COL4A6: variants seen among roughly 807,000 people sequenced by gnomAD.
COL4A6 encodes the protein collagen alpha-6(IV) chain.
In COL4A6, 59 loss-of-function variants were observed where a neutral mutation model predicts 126.7. The observed-to-expected ratio is 0.47, with a 90% CI of 0.38 to 0.58. The LOEUF is 0.58. Ranked by LOEUF, COL4A6 falls within the 20% of genes least tolerant of loss-of-function variation. COL4A6 has a pLI of 0.00. For missense variants in COL4A6, 1,285 were observed against 1,337.3 expected (o/e 0.96, Z 0.61); for synonymous variants, 547 against 496.6 (o/e 1.10, Z -1.35).
intron 2 of COL4A6, among the ~76,000 whole-genome samples, chrX:108,410,340 G>C (rs781320684): frequency 9.0e-6 from 1 of 111,491 alleles, no homozygotes; most frequent in African/African-American, 3.3e-5. Context: ...GGGTGCATAG[G>C]TAAGGGCATG....
At chrX:108,301,394 A>C (rs1319174723) in intron 3 of COL4A6, among the ~76,000 whole-genome samples, 1 of 112,201 alleles carries the variant, frequency 8.9e-6, no homozygotes, top group Non-Finnish European at 1.9e-5. Context: ...CAGGGATATA[A>C]ATGGATGCTA....
intron 2 of COL4A6, among the ~76,000 whole-genome samples, chrX:108,371,574 TAAAA>T (rs35855359): frequency 1.9e-5 from 1 of 51,710 alleles, no homozygotes; most frequent in Admixed American, 2.5e-4. Flanking sequence ...TCTGTCTCTA[TAAAA>T]AAAAAAAAAA....
At position 108,324,094 on chromosome X, in the gene COL4A6, G is replaced by T. The variant is rs185305973; in HGVS notation, c.64-13266C>A. 4.7e-4 allele frequency among the ~76,000 whole-genome samples: 53 copies of T among 112,451 alleles called. No individual in the cohort carries two copies. The East Asian group carries it at 0.014, about 29-fold the overall frequency. On this transcript the variant is annotated intron_variant, in intron 2 of 44. Coordinates refer to ENST00000334504, the MANE Select transcript of COL4A6 (RefSeq NM_033641.4). ...AAAACAAAATCCTTTAACGTTTCTA[G>T]TTGGGAGATTAAGAATTTTGTTTTT...
rs2038501751 is a variant in COL4A6, at chrX:108,301,999, CTCTG to C, written c.144+8745_144+8748del. ...TTTCTCTTATCCAGAGTTCTTTTGC[CTCTG>C]TCTGCGGGCTCCCAGCTATTTTAAG... On this transcript the variant is annotated intron_variant, in intron 3 of 44. Coordinates refer to ENST00000334504, the MANE Select transcript of COL4A6 (RefSeq NM_033641.4). Among the ~76,000 whole-genome samples, 4 of 111,488 alleles carry C rather than the reference CTCTG, an allele frequency of 3.6e-5. No individual in the cohort carries two copies. In the South Asian group the frequency reaches 1.5e-3, roughly 42 times the overall value.
chrX:108,344,136 A>C (rs1428794649), intron 2 of COL4A6, among the ~76,000 whole-genome samples: 1 of 111,543 alleles, frequency 9.0e-6, no homozygotes, highest in East Asian at 2.8e-4. Flanking sequence ...TCAGATCTGC[A>C]TTGAAAGTTC....
chrX:108,209,920 A>G, intron 8 of COL4A6, 49 bp downstream of exon 8: 2 of 1,173,391 alleles, frequency 1.7e-6, no homozygotes, highest in Non-Finnish European at 2.3e-6. Flanking sequence ...ATGCACCATT[A>G]GTGATTTTTA....
intron 3 of COL4A6, among the ~76,000 whole-genome samples, chrX:108,246,323 A>G (rs2148333594): frequency 8.9e-6 from 1 of 112,224 alleles, no homozygotes; most frequent in South Asian, 3.7e-4. Context: ...AAGCAACAGA[A>G]GTCAACTCTG....
chrX:108,282,349 C>T (rs1401686754), intron 3 of COL4A6, among the ~76,000 whole-genome samples: 1 of 107,973 alleles, frequency 9.3e-6, no homozygotes, highest in Non-Finnish European at 1.9e-5. Context: ...CATGAACAGA[C>T]ACTTCTCAAA....
At chrX:108,360,106 C>T (rs997605015) in intron 2 of COL4A6, among the ~76,000 whole-genome samples, 6 of 111,899 alleles carry the variant, frequency 5.4e-5, no homozygotes, top group South Asian at 3.8e-4. Flanking sequence ...CTAAATAATC[C>T]GAAACTCCAG....
rs367798398 is a variant in COL4A6, at chrX:108,170,563, T to A, written c.3493+46A>T. On this transcript the variant is annotated intron_variant, in intron 35 of 44. Coordinates refer to ENST00000334504, the MANE Select transcript of COL4A6 (RefSeq NM_033641.4). ...AAGATAAAGTAGTTGGTGTCCTTCA[T>A]CGAGGGAAAGACTTTTCCCCACTGC... The A allele has an allele frequency of 6.7e-6, 7 of 1,045,315 alleles. No homozygotes were observed. In the African/African-American group the frequency reaches 1.3e-4, roughly 19 times the overall value. The allele number at this position is 1,045,315 out of a possible 1,213,427, so 86.1% of individuals were successfully genotyped here.
chrX:108,350,994 A>G (rs1417954165), intron 2 of COL4A6, among the ~76,000 whole-genome samples: 1 of 111,353 alleles, frequency 9.0e-6, no homozygotes, highest in East Asian at 2.8e-4. Flanking sequence ...GGGCAAGGAC[A>G]GTCAATCCCT....
At chrX:108,403,423 AAT>A (rs1254656823) in intron 2 of COL4A6, among the ~76,000 whole-genome samples, 1 of 110,549 alleles carries the variant, frequency 9.0e-6, no homozygotes, top group African/African-American at 3.3e-5. Context: ...GCTCTAATTC[AAT>A]ATGAGTTAAG....
At chrX:108,271,433 A>T (rs1427252219) in intron 3 of COL4A6, among the ~76,000 whole-genome samples, 1 of 112,394 alleles carries the variant, frequency 8.9e-6, no homozygotes, top group Non-Finnish European at 1.9e-5. Context: ...ATCAGAAAGG[A>T]TATTTAGAAA....
chrX:108,257,113 T>C (rs2037028038), intron 3 of COL4A6, among the ~76,000 whole-genome samples: 1 of 111,891 alleles, frequency 8.9e-6, no homozygotes, highest in South Asian at 3.7e-4. Flanking sequence ...TTTGCCTGTA[T>C]GACAAAACAT....
intron 3 of COL4A6, among the ~76,000 whole-genome samples, chrX:108,223,378 A>AT (rs1407495561): frequency 8.9e-6 from 1 of 111,820 alleles, no homozygotes; most frequent in Non-Finnish European, 1.9e-5. Flanking sequence ...TTGAAGTATA[A>AT]TTTTTTTAAA....
At chrX:108,176,064 A>T (rs910549443) in intron 28 of COL4A6, among the ~76,000 whole-genome samples, 4 of 110,911 alleles carry the variant, frequency 3.6e-5, no homozygotes, top group African/African-American at 1.3e-4. Context: ...AGTGGGTCAC[A>T]CTGTAATCCT....
At chrX:108,213,319 G>C (rs1332170767) in intron 6 of COL4A6, among the ~76,000 whole-genome samples, 1 of 112,489 alleles carries the variant, frequency 8.9e-6, no homozygotes, top group Non-Finnish European at 1.9e-5. Flanking sequence ...AGTCTGAAAT[G>C]TGTTATTTTA....
In COL4A6 at chrX:108,187,275, T is replaced by A; in HGVS notation, c.1772A>T (p.Asp591Val). The change falls in exon 23 of 45, where the codon GAT becomes GTT. Residue 591 changes from aspartate to valine, a missense_variant. Transcript: ENST00000334504. The part of the protein sequence containing the change: ...GLPGLPGLPG[D>V]GGQGFPGEKG... ...TTCACCTGGGAAGCCCTGTCCACCA[T>A]CACCCTAGACAACATATAAAACAAA... is the stretch of plus-strand genomic sequence containing the variant. The A allele has an allele frequency of 9.6e-6, 11 of 1,151,252 alleles. No individual in the cohort carries two copies. Among genetic ancestry groups the A allele is most frequent in the Non-Finnish European group, 1.3e-5 (11 of 859,914 alleles). 94.9% of individuals were successfully genotyped at this position (1,151,252 alleles called of 1,213,427 possible).
At chrX:108,358,519 C>T (rs1399464666) in intron 2 of COL4A6, among the ~76,000 whole-genome samples, 2 of 109,511 alleles carry the variant, frequency 1.8e-5, no homozygotes, top group East Asian at 2.9e-4. Flanking sequence ...CTCAGCCTCC[C>T]GAGTAGCTGG....
Sources: gnomAD v4.1 joint callset for allele counts (sites outside exome capture counted in the v4.1 genomes callset) on GRCh38, gnomAD v4.1.1 for gene constraint, MANE v1.5 for transcripts, NCBI Gene and HGNC (gene_info 2026-07-23, HGNC 2026-07-21) for gene names.